The following ARMC6 variants were observed in gnomAD, a reference collection of about 807,000 sequenced individuals.
The protein encoded by ARMC6 is armadillo repeat containing 6, also known as armadillo repeat-containing protein 6.
ARMC6 carries 43 observed loss-of-function variants against 49.2 expected under a neutral mutation model. That is an observed-to-expected ratio of 0.87 (90% confidence interval 0.69 to 1.13). The LOEUF is 1.13. Among genes scored for constraint, ARMC6 ranks in the 50% most tolerant of loss-of-function variants. The probability of loss-of-function intolerance (pLI) is 0.00; values close to 1 mark genes in which losing one functional copy is unlikely to be tolerated. For synonymous variants in ARMC6, 262 were observed against 289.6 expected (o/e 0.90, Z 0.97); for missense variants, 627 against 682.0 (o/e 0.92, Z 0.90).
At chr19:19,037,607 C>T in intron 2 of ARMC6, 1 of 1,242,312 alleles carries the variant, frequency 8.0e-7, no homozygotes, top group South Asian at 1.3e-5. Flanking sequence ...CTCATGTGAT[C>T]CTTCCGCCTC....
At chr19:19,048,926 C>A (rs538278717) in intron 4 of ARMC6, among the ~76,000 whole-genome samples, 67 of 152,274 alleles carry the variant, frequency 4.4e-4, no homozygotes, top group African/African-American at 1.6e-3. Context: ...TTATGTCTGA[C>A]TTCCAAAGGC....
intron 2 of ARMC6, among the ~76,000 whole-genome samples, chr19:19,037,872 C>T (rs2059382998): frequency 6.6e-6 from 1 of 152,172 alleles, no homozygotes; most frequent in Non-Finnish European, 1.5e-5. Context: ...CAGGGGTCCC[C>T]AATTCCTGGG....
intron 2 of ARMC6, 87 bp downstream of exon 2, chr19:19,034,325 G>A: frequency 6.7e-7 from 1 of 1,485,158 alleles, no homozygotes; most frequent in Non-Finnish European, 9.1e-7. Flanking sequence ...GCTGTCTCTT[G>A]AGTGCTGGGA....
At chr19:19,045,490 A>ATTTTTTTTTTTTTTTTTTTT (rs1355279150) in intron 4 of ARMC6, among the ~76,000 whole-genome samples, 4 of 28,210 alleles carry the variant, frequency 1.4e-4, no homozygotes, top group Non-Finnish European at 1.5e-4. Context: ...ATTATGCTAA[A>ATTTTTTTTTTTTTTTTTTTT]TTCTTTTTTT....
intron 2 of ARMC6, among the ~76,000 whole-genome samples, chr19:19,035,233 T>C (rs2059349260): frequency 6.6e-6 from 1 of 152,126 alleles, no homozygotes; most frequent in Non-Finnish European, 1.5e-5. Flanking sequence ...CTCAAACTCC[T>C]GACCTCAAGT....
chr19:19,051,538 C>G (rs964263248), intron 4 of ARMC6, 84 bp from the exon 5 acceptor site: 8 of 1,311,254 alleles, frequency 6.1e-6, no homozygotes, highest in Middle Eastern at 2.1e-4. Context: ...GGGGAGGGAA[C>G]CTTGCAGGGG....
intron 2 of ARMC6, among the ~76,000 whole-genome samples, chr19:19,035,766 C>CA (rs11376856): frequency 0.76 from 115,746 of 151,734 alleles, 44,304 homozygotes; most frequent in East Asian, 0.89. Flanking sequence ...AGGTGTCAAT[C>CA]AGTTAGAAAG....
chr19:19,046,765 G>C (rs1478979781), intron 4 of ARMC6, among the ~76,000 whole-genome samples: 1 of 152,070 alleles, frequency 6.6e-6, no homozygotes, highest in Non-Finnish European at 1.5e-5. Context: ...AAAGTGTTGG[G>C]GTTATAGGCA....
chr19:19,047,809 G>GT (rs2059463721), intron 4 of ARMC6, among the ~76,000 whole-genome samples: 1 of 152,172 alleles, frequency 6.6e-6, no homozygotes, highest in South Asian at 2.1e-4. Flanking sequence ...GGTTTTATAC[G>GT]TTTTAGGGAG....
intron 4 of ARMC6, among the ~76,000 whole-genome samples, chr19:19,051,392 TG>T (rs2059495348): frequency 6.6e-6 from 1 of 151,482 alleles, no homozygotes; most frequent in Non-Finnish European, 1.5e-5. Flanking sequence ...TGTGTGTGTG[TG>T]TGTGTGTGTG....
At chr19:19,046,045 G>A (rs1402586701) in intron 4 of ARMC6, among the ~76,000 whole-genome samples, 5 of 152,086 alleles carry the variant, frequency 3.3e-5, no homozygotes, top group African/African-American at 4.8e-5. Flanking sequence ...CAGTGACCAC[G>A]CCCCTGCACC....
chr19:19,035,018 C>A (rs1010305518), intron 2 of ARMC6, among the ~76,000 whole-genome samples: 1 of 152,178 alleles, frequency 6.6e-6, no homozygotes, highest in Non-Finnish European at 1.5e-5. Flanking sequence ...CCCGCCACCA[C>A]GCCCGGCTAG....
intron 4 of ARMC6, among the ~76,000 whole-genome samples, chr19:19,046,319 C>T (rs2059450091): frequency 6.6e-6 from 1 of 151,996 alleles, no homozygotes; most frequent in South Asian, 2.1e-4. Flanking sequence ...GCCTCAGCCT[C>T]TGGAGTAGCT....
At position 19,042,739 on chromosome 19, in the gene ARMC6, A is replaced by G. The variant is rs1213435899; in HGVS notation, c.58A>G (p.Thr20Ala). The G allele has an allele frequency of 1.2e-6, 2 of 1,613,740 alleles. No homozygotes were observed. The highest frequency in any genetic ancestry group is 2.7e-5 in the African/African-American group (2 of 75,076). Residue 20 changes from threonine to alanine, a missense_variant, in exon 3 of 9, where the codon ACA becomes GCA. Transcript: ENST00000535612. ...SSGASIGCTP[T>A]STQAKMVSKR... The stretch of plus-strand genomic sequence containing the variant: ...AGGAGCATCTATCGGCTGCACGCCA[A>G]CATCAACACAGGCGAAGATGGTCTC...
rs368272914 is a variant in ARMC6, at chr19:19,044,051, G to A, written c.256G>A (p.Glu86Lys). The A allele has an allele frequency of 1.2e-6, 2 of 1,613,982 alleles. No individual in the cohort carries two copies. Among genetic ancestry groups the A allele is most frequent in the African/African-American group, 1.3e-5 (1 of 74,914 alleles). Residue 86 changes from glutamate to lysine, a missense_variant, in exon 4 of 9, where the codon GAG becomes AAG. Coordinates refer to ENST00000535612, the MANE Select transcript of ARMC6 (RefSeq NM_001199196.2). ...APKVSADGSQ[E>K]PTHDILQMLS... Reference sequence around the variant, plus strand: ...TAAAGTCTCTGCAGACGGATCCCAGGAGCCCACACATGACATCCTGCAGGT... The same window carrying A: ...TAAAGTCTCTGCAGACGGATCCCAGAAGCCCACACATGACATCCTGCAGGT...
In ARMC6 at chr19:19,055,489, G is replaced by A; in HGVS notation, c.1155+93G>A. 2 of 1,482,288 alleles carry A rather than the reference G, an allele frequency of 1.3e-6. No individual in the cohort carries two copies. 91.8% of individuals were successfully genotyped at this position (1,482,288 alleles called of 1,614,324 possible). A position where few individuals can be genotyped will look rare whatever the true frequency, so the allele number is the denominator to read the frequency against. On this transcript the variant is annotated intron_variant, in intron 7 of 8. Transcript: ENST00000535612. This position sits in a 1 kb window ranked among gnomAD's most constrained non-coding sequence, Gnocchi z 5.7. ...TGCATGAAGCTCTATTCCCCTGCAG[G>A]GCCAGGGCAGGGCTGGTGAGGGTCG...
chr19:19,041,351 G>T (rs1389750287), intron 2 of ARMC6, among the ~76,000 whole-genome samples: 1 of 152,082 alleles, frequency 6.6e-6, no homozygotes, highest in African/African-American at 2.4e-5. Context: ...TCGAGGTATA[G>T]GATGTACTTT....
At chr19:19,044,163 T>C in intron 4 of ARMC6, 89 bp downstream of exon 4, 5 of 1,315,486 alleles carry the variant, frequency 3.8e-6, no homozygotes, top group East Asian at 4.7e-5. Context: ...GAATACAGGC[T>C]CTGAAGGTCA....
intron 4 of ARMC6, among the ~76,000 whole-genome samples, chr19:19,046,927 G>GTTTTTTTTTTTTTTTTTTTTTTTTTTTT (rs386388691): frequency 3.2e-3 from 332 of 104,274 alleles, no homozygotes; most frequent in Middle Eastern, 7.2e-3. Context: ...ATGCTCACCT[G>GTTTTTTTTTTTTTTTTTTTTTTTTTTTT]TTTTTTTTTT....
Sources: allele counts gnomAD v4.1 joint callset (sites outside exome capture counted in the v4.1 genomes callset), GRCh38; gene constraint gnomAD v4.1.1; non-coding constraint Gnocchi (gnomAD v3.1); transcripts MANE v1.5; gene names NCBI Gene and HGNC (gene_info 2026-07-23, HGNC 2026-07-21).